The following MAP7 variants were observed in gnomAD, a reference collection of about 807,000 sequenced individuals.
MAP7 encodes the protein microtubule associated protein 7, also known as ensconsin.
Under a neutral mutation model 94.8 loss-of-function variants are expected in MAP7, and 52 were observed. That is an observed-to-expected ratio of 0.55 (90% CI 0.44 to 0.69). The LOEUF is 0.69. Among genes scored for constraint, MAP7 ranks in the 30% least tolerant of loss-of-function variants. MAP7 has a pLI of 0.00. For synonymous variants in MAP7, 350 were observed against 357.0 expected (o/e 0.98, Z 0.22); for missense variants, 940 against 964.6 (o/e 0.97, Z 0.34).
At chr6:136,445,112 T>C (rs983323655) in intron 1 of MAP7, among the ~76,000 whole-genome samples, 9 of 152,156 alleles carry the variant, frequency 5.9e-5, no homozygotes, top group Non-Finnish European at 1.3e-4. Flanking sequence ...ATTATGCCAA[T>C]TTGGCATATT....
At chr6:136,528,913 T>G (rs1402104693) in intron 1 of MAP7, among the ~76,000 whole-genome samples, 1 of 150,552 alleles carries the variant, frequency 6.6e-6, no homozygotes, top group African/African-American at 2.5e-5. Flanking sequence ...GATTAGTTTC[T>G]TAAATGTTCA....
At chr6:136,408,653 C>A (rs978606052) in intron 3 of MAP7, among the ~76,000 whole-genome samples, 2 of 152,026 alleles carry the variant, frequency 1.3e-5, no homozygotes, top group Non-Finnish European at 2.9e-5. Context: ...TTTTTTTTAA[C>A]TTGAAAACTT....
At chr6:136,528,008 A>C (rs1828142398) in intron 1 of MAP7, among the ~76,000 whole-genome samples, 2 of 152,192 alleles carry the variant, frequency 1.3e-5, no homozygotes. Context: ...AATAGAATGG[A>C]GTTTTGGAGC....
chr6:136,545,389 G>A (rs1350600948), intron 1 of MAP7: 1 of 152,028 alleles, frequency 6.6e-6, no homozygotes, highest in Non-Finnish European at 1.5e-5. Flanking sequence ...ATTAGCTAAA[G>A]GCACAGCTGA....
chr6:136,456,770 A>AGGAGGAG (rs1464535719), intron 1 of MAP7, among the ~76,000 whole-genome samples: 1 of 49,378 alleles, frequency 2.0e-5, no homozygotes, highest in African/African-American at 1.0e-4. Flanking sequence ...AGGAGGAGGA[A>AGGAGGAG]GAAGAAGAAG....
At chr6:136,417,166 T>C (rs1789762400) in intron 2 of MAP7, among the ~76,000 whole-genome samples, 1 of 152,184 alleles carries the variant, frequency 6.6e-6, no homozygotes, top group Non-Finnish European at 1.5e-5. Flanking sequence ...CCAATGGATC[T>C]AATATGGTTA....
chr6:136,354,536 T>C (rs1379597472), intron 16 of MAP7, among the ~76,000 whole-genome samples: 2 of 150,456 alleles, frequency 1.3e-5, no homozygotes, highest in Non-Finnish European at 3.0e-5. Context: ...GGCCAATGGA[T>C]TTCATATTAG....
chr6:136,544,008 G>A (rs529141392), intron 1 of MAP7, among the ~76,000 whole-genome samples: 4 of 152,160 alleles, frequency 2.6e-5, no homozygotes, highest in Non-Finnish European at 4.4e-5. Context: ...TACACCCTCC[G>A]TCTCCCAGGT....
intron 2 of MAP7, 72 bp downstream of exon 2, chr6:136,421,629 A>T (rs1490882591): frequency 2.9e-6 from 4 of 1,388,308 alleles, no homozygotes; most frequent in Non-Finnish European, 4.1e-6. Flanking sequence ...TTAAACCTTT[A>T]TAATCATCAG....
intron 1 of MAP7, among the ~76,000 whole-genome samples, chr6:136,547,930 G>A (rs754774585): frequency 2.2e-4 from 33 of 152,150 alleles, no homozygotes; most frequent in Non-Finnish European, 4.4e-4. Context: ...ACCAGTCTTT[G>A]TATAGAGACC....
At chr6:136,410,282 T>A (rs1013268317) in intron 3 of MAP7, among the ~76,000 whole-genome samples, 6 of 152,190 alleles carry the variant, frequency 3.9e-5, no homozygotes, top group Non-Finnish European at 7.3e-5. Context: ...GAAAAGGACA[T>A]ACGCATGGAC....
chr6:136,379,833 G>A (rs1187695063), intron 6 of MAP7, among the ~76,000 whole-genome samples: 1 of 152,194 alleles, frequency 6.6e-6, no homozygotes, highest in Non-Finnish European at 1.5e-5. Context: ...CAAATCCAGA[G>A]AGATCTGTTT....
At chr6:136,355,365 T>C (rs1044939171) in intron 16 of MAP7, among the ~76,000 whole-genome samples, 3 of 151,930 alleles carry the variant, frequency 2.0e-5, no homozygotes, top group Non-Finnish European at 2.9e-5. Flanking sequence ...TACCATTTAA[T>C]ATAGATCTTA....
chr6:136,482,847 T>C lies in MAP7; in HGVS notation c.68-61048A>G, dbSNP rs557936901. On this transcript the variant is annotated intron_variant, in intron 1 of 17. Transcript: ENST00000354570. ...TGTGTATTTTAAAACCGCTAAACTG[T>C]GTTGAGTTTTGCTTTTTGCTCCAGA... Among the ~76,000 whole-genome samples the C allele has an allele frequency of 4.6e-5, 7 of 152,202 alleles. No homozygotes were observed. In the East Asian group the frequency reaches 1.4e-3, roughly 29 times the overall value.
intron 3 of MAP7, among the ~76,000 whole-genome samples, chr6:136,396,870 GT>G (rs895411217): frequency 1.3e-5 from 2 of 152,108 alleles, no homozygotes; most frequent in African/African-American, 4.8e-5. Flanking sequence ...AGCTATTGTT[GT>G]TTTTGTCGTC....
In MAP7 at chr6:136,487,882, T is replaced by C. The variant is rs1317421478; in HGVS notation, c.67+62460A>G. 2.0e-5 allele frequency among the ~76,000 whole-genome samples: 3 copies of C among 152,206 alleles called. 1 individual carries two copies. In the South Asian group the frequency reaches 6.2e-4, roughly 32 times the overall value. On this transcript the variant is annotated intron_variant, in intron 1 of 17. Transcript: ENST00000354570. ...GATGCTTGAAGTTGGACCATTAACATGGACACGCACTTCATACGCTAATAT... is the reference window on the plus strand; with the variant it reads ...GATGCTTGAAGTTGGACCATTAACACGGACACGCACTTCATACGCTAATAT...
intron 1 of MAP7, among the ~76,000 whole-genome samples, chr6:136,516,737 A>G (rs1228153114): frequency 6.6e-6 from 1 of 152,238 alleles, no homozygotes; most frequent in Non-Finnish European, 1.5e-5. Context: ...AGAAGTATTG[A>G]AAGAAAAGAT....
chr6:136,457,024 G>GAT (rs1554259620), intron 1 of MAP7, among the ~76,000 whole-genome samples: 2 of 144,656 alleles, frequency 1.4e-5, no homozygotes, highest in East Asian at 4.0e-4. Flanking sequence ...ATGAAACAAA[G>GAT]TTTTTTTTTT....
In MAP7 at chr6:136,345,846, G is replaced by T. The variant is rs757688796; in HGVS notation, c.2239+10C>A. The T allele has an allele frequency of 6.2e-7, 1 of 1,608,510 alleles. No homozygotes were observed. The highest frequency in any genetic ancestry group is 8.5e-7 in the Non-Finnish European group (1 of 1,174,848). On this transcript the variant is annotated intron_variant, in intron 17 of 17. Coordinates refer to ENST00000354570, the MANE Select transcript of MAP7 (RefSeq NM_003980.6). Reference sequence around the variant, plus strand: ...TGATGACTACAGAAGGGAGTTGGAGGCAAGCTTACCTGCAGTCTGCTGTGT... The same window carrying T: ...TGATGACTACAGAAGGGAGTTGGAGTCAAGCTTACCTGCAGTCTGCTGTGT...
Sources: gnomAD v4.1 joint callset for allele counts (sites outside exome capture counted in the v4.1 genomes callset) on GRCh38, gnomAD v4.1.1 for gene constraint, MANE v1.5 for transcripts, NCBI Gene and HGNC (gene_info 2026-07-23, HGNC 2026-07-21) for gene names.